Variants in JAKMIP1 observed in about 807,000 individuals in gnomAD.
JAKMIP1 encodes janus kinase and microtubule interacting protein 1, also known as janus kinase and microtubule-interacting protein 1.
Under a neutral mutation model 113.0 loss-of-function variants are expected in JAKMIP1, and 33 were observed. That is an observed-to-expected ratio of 0.29 (90% confidence interval 0.22 to 0.39). The LOEUF (loss-of-function observed/expected upper bound fraction) is 0.39, where lower values mean the gene tolerates loss of function less well. Among genes scored for constraint, JAKMIP1 ranks in the 10% least tolerant of loss-of-function variants. The pLI is 1.00. For missense variants in JAKMIP1, 813 were observed against 1,080.5 expected, an observed-to-expected ratio of 0.75 and a Z score of 3.47; for synonymous variants, 480 against 459.9, an observed-to-expected ratio of 1.04 and a Z score of -0.56.
Position 6,040,788 on chromosome 4 carries a change from G to T in JAKMIP1, c.2098-72C>A, listed in dbSNP as rs1265856985. Reference sequence around the variant, plus strand: ...TCCATGACAGCTTCAGAGCCCGTTTGCTAGAGAGTGGCAGTCTCACCGAAT... The same window carrying T: ...TCCATGACAGCTTCAGAGCCCGTTTTCTAGAGAGTGGCAGTCTCACCGAAT... On this transcript the variant is annotated intron_variant, in intron 17 of 20. Transcript: ENST00000409021. This position sits in a 1 kb window ranked among gnomAD's most constrained non-coding sequence, Gnocchi z 5.8. The T allele has an allele frequency of 8.3e-7, 1 of 1,211,172 alleles. No homozygotes were observed. The highest frequency in any genetic ancestry group is 1.2e-6 in the Non-Finnish European group (1 of 828,496). 75.0% of individuals were successfully genotyped at this position (1,211,172 alleles called of 1,614,324 possible). A position where few individuals can be genotyped will look rare whatever the true frequency, so the allele number is the denominator to read the frequency against.
chr4:6,170,136 C>A (rs970925875), intron 1 of JAKMIP1, among the ~76,000 whole-genome samples: 1 of 150,324 alleles, frequency 6.7e-6, no homozygotes, highest in Admixed American at 6.6e-5. Flanking sequence ...ACCACCACCA[C>A]CACTTCCATC....
chr4:6,107,185 A>C (rs895083996), intron 2 of JAKMIP1, among the ~76,000 whole-genome samples: 2 of 152,166 alleles, frequency 1.3e-5, no homozygotes, highest in Non-Finnish European at 2.9e-5. Flanking sequence ...AGCAGCAGGA[A>C]GCCAGAACTT....
chr4:6,165,593 G>A (rs374201844), intron 1 of JAKMIP1, among the ~76,000 whole-genome samples: 3 of 152,168 alleles, frequency 2.0e-5, no homozygotes, highest in Non-Finnish European at 4.4e-5. Flanking sequence ...GAGCCATCGC[G>A]CCCAGCCCTA....
chr4:6,071,671 C>T (rs1035692807), intron 8 of JAKMIP1, among the ~76,000 whole-genome samples: 1 of 152,216 alleles, frequency 6.6e-6, no homozygotes, highest in Admixed American at 6.5e-5. Flanking sequence ...GTGGCCAGGT[C>T]AGGCTCCCGA....
rs1289297396 is a variant in JAKMIP1 at position 6,069,747 on chromosome 4, T to C, written c.1303-4739A>G. The stretch of plus-strand genomic sequence containing the variant: ...CAGCCTGGGTGACAGGGCAAGATCC[T>C]GTCTCAAAAAAAAAAAAAAAAAGAT... On this transcript the variant is annotated intron_variant, in intron 8 of 20. Coordinates refer to ENST00000409021, the MANE Select transcript of JAKMIP1 (RefSeq NM_001099433.2). The surrounding 1 kb of genome is among the most constrained non-coding windows in gnomAD (Gnocchi z 4.5). Among the ~76,000 whole-genome samples the C allele has an allele frequency of 2.4e-4, 25 of 103,912 alleles. No homozygotes were observed. The South Asian group carries it at 4.2e-3, about 17-fold the overall frequency. The allele number at this position is 103,912 out of a possible 152,430, so 68.2% of individuals were successfully genotyped here.
intron 1 of JAKMIP1, among the ~76,000 whole-genome samples, chr4:6,126,918 C>T (rs985489264): frequency 5.3e-5 from 8 of 151,878 alleles, no homozygotes; most frequent in African/African-American, 1.9e-4. Flanking sequence ...ACACACCACA[C>T]ACAAATATAC....
intron 1 of JAKMIP1, among the ~76,000 whole-genome samples, chr4:6,182,289 G>C (rs556253286): frequency 1.3e-5 from 2 of 151,774 alleles, no homozygotes; most frequent in South Asian, 4.2e-4. Flanking sequence ...CATATTTGTA[G>C]TCCCAGCTAC....
chr4:6,139,626 T>G lies in JAKMIP1; in HGVS notation c.-147-26629A>C, dbSNP rs1719807457. ...ACTAAAAATACAAAAATTAGCCAGGTGTGGTGGCACACACCTGTAGTCCCA... is the reference window on the plus strand; with the variant it reads ...ACTAAAAATACAAAAATTAGCCAGGGGTGGTGGCACACACCTGTAGTCCCA... On this transcript the variant is annotated intron_variant, in intron 1 of 20. Transcript: ENST00000409021. The surrounding 1 kb of genome is among the most constrained non-coding windows in gnomAD (Gnocchi z 5.2). 6.6e-6 allele frequency among the ~76,000 whole-genome samples: 1 copy of G among 151,512 alleles called. No individual in the cohort carries two copies. Among genetic ancestry groups the G allele is most frequent in the Non-Finnish European group, 1.5e-5 (1 of 67,882 alleles).
chr4:6,152,811 C>CAT (rs1205061386), intron 1 of JAKMIP1, among the ~76,000 whole-genome samples: 249 of 103,368 alleles, frequency 2.4e-3, no homozygotes, highest in Middle Eastern at 9.8e-3. Context: ...TATATATATA[C>CAT]ATATATATAT....
Position 6,162,035 on chromosome 4 carries a change from G to A in JAKMIP1, c.-148+38218C>T, listed in dbSNP as rs1282682037. ...TACATGGTGCCTCCTTGATGGAGCC[G>A]AGCAGGAAGGAAAGGGGTGGATTGC... On this transcript the variant is annotated intron_variant, in intron 1 of 20. Coordinates refer to ENST00000409021, the MANE Select transcript of JAKMIP1 (RefSeq NM_001099433.2). This position sits in a 1 kb window ranked among gnomAD's most constrained non-coding sequence, Gnocchi z 5.6. Among the ~76,000 whole-genome samples, 2 of 150,898 alleles carry A rather than the reference G, an allele frequency of 1.3e-5. No individual in the cohort carries two copies. Among genetic ancestry groups the A allele is most frequent in the Non-Finnish European group, 2.9e-5 (2 of 68,038 alleles).
Position 6,067,443 on chromosome 4 carries a change from C to G in JAKMIP1, c.1303-2435G>C, listed in dbSNP as rs373027574. Reference sequence around the variant, plus strand: ...TCTCCTTGCAGAGGCTGGAGACAATCATCTACTCAAATCTCCCCTCTGGAT... The same window carrying G: ...TCTCCTTGCAGAGGCTGGAGACAATGATCTACTCAAATCTCCCCTCTGGAT... On this transcript the variant is annotated intron_variant, in intron 8 of 20. Transcript: ENST00000409021. The surrounding 1 kb of genome is among the most constrained non-coding windows in gnomAD (Gnocchi z 4.6). Among the ~76,000 whole-genome samples the G allele has an allele frequency of 3.3e-5, 5 of 152,306 alleles. No homozygotes were observed. The highest frequency in any genetic ancestry group is 1.2e-4 in the African/African-American group (5 of 41,552).
chr4:6,120,347 T>C (rs559420811), intron 1 of JAKMIP1, among the ~76,000 whole-genome samples: 78 of 152,332 alleles, frequency 5.1e-4, no homozygotes, highest in African/African-American at 1.8e-3. Flanking sequence ...ATATGCTTCC[T>C]GGAAATTTAT....
intron 1 of JAKMIP1, among the ~76,000 whole-genome samples, chr4:6,161,375 G>A (rs916736750): frequency 1.4e-5 from 2 of 144,706 alleles, no homozygotes. Flanking sequence ...TTTGTGGTCC[G>A]ACCTATCTGG....
At position 6,156,719 on chromosome 4, in the gene JAKMIP1, G is replaced by A. The variant is rs1432351682; in HGVS notation, c.-148+43534C>T. Reference sequence around the variant, plus strand: ...TCTCCTTCATTGAAGGCTGTAGGATGTACAAGAAAGGTCAGTTCTGGGCTA... The same window carrying A: ...TCTCCTTCATTGAAGGCTGTAGGATATACAAGAAAGGTCAGTTCTGGGCTA... On this transcript the variant is annotated intron_variant, in intron 1 of 20. Coordinates refer to ENST00000409021, the MANE Select transcript of JAKMIP1 (RefSeq NM_001099433.2). This position sits in a 1 kb window ranked among gnomAD's most constrained non-coding sequence, Gnocchi z 5.0. 6.6e-6 allele frequency among the ~76,000 whole-genome samples: 1 copy of A among 152,218 alleles called. No homozygotes were observed. Among genetic ancestry groups the A allele is most frequent in the African/African-American group, 2.4e-5 (1 of 41,440 alleles).
chr4:6,103,628 C>T (rs7669562), intron 3 of JAKMIP1, among the ~76,000 whole-genome samples: 149,797 of 152,342 alleles, frequency 0.98, 73,697 homozygotes, highest in Middle Eastern at 1. Context: ...GCCATCTAGG[C>T]CTGGGCCTTT....
intron 3 of JAKMIP1, among the ~76,000 whole-genome samples, chr4:6,091,186 C>T (rs566825590): frequency 1.3e-5 from 2 of 152,258 alleles, no homozygotes; most frequent in East Asian, 3.9e-4. Context: ...TTGATTTTTT[C>T]ACTCCTTCTC....
intron 2 of JAKMIP1, among the ~76,000 whole-genome samples, chr4:6,110,165 G>A (rs1422224972): frequency 1.3e-5 from 2 of 152,160 alleles, no homozygotes; most frequent in Non-Finnish European, 2.9e-5. Context: ...ATGACCTCAG[G>A]ATGTGATTCC....
At chr4:6,036,960 C>T (rs1713547997) in intron 18 of JAKMIP1, among the ~76,000 whole-genome samples, 1 of 131,540 alleles carries the variant, frequency 7.6e-6, no homozygotes, top group Non-Finnish European at 1.6e-5. Flanking sequence ...ATCCCTCCAT[C>T]ACCGAGGCAG....
intron 3 of JAKMIP1, among the ~76,000 whole-genome samples, chr4:6,100,407 C>T (rs757222907): frequency 5.3e-5 from 8 of 152,210 alleles, no homozygotes; most frequent in Non-Finnish European, 1.2e-4. Flanking sequence ...GATATTGAAG[C>T]ATATATCAAT....
Sources: allele counts gnomAD v4.1 joint callset (sites outside exome capture counted in the v4.1 genomes callset), GRCh38; gene constraint gnomAD v4.1.1; non-coding constraint Gnocchi (gnomAD v3.1); transcripts MANE v1.5; gene names NCBI Gene and HGNC (gene_info 2026-07-23, HGNC 2026-07-21).